Variants in NR3C1 observed in about 807,000 individuals in gnomAD.
The protein encoded by NR3C1 is nuclear receptor subfamily 3 group C member 1, also known as glucocorticoid receptor.
A neutral mutation model predicts 74.0 loss-of-function variants in NR3C1; 14 were observed. The ratio of observed to expected loss-of-function variants is 0.19; its 90% CI spans 0.12 to 0.30. NR3C1 has a LOEUF of 0.30. NR3C1 is among the 10% of genes least tolerant of loss of function. The probability of loss-of-function intolerance (pLI) is 1.00; values close to 1 mark genes in which losing one functional copy is unlikely to be tolerated. For missense variants in NR3C1, 695 were observed against 909.8 expected (o/e 0.76, Z 3.04); for synonymous variants, 308 against 332.5 (o/e 0.93, Z 0.80).
intron 2 of NR3C1, among the ~76,000 whole-genome samples, chr5:143,399,369 TTAAGA>T (rs1245890335): frequency 1.3e-5 from 2 of 152,208 alleles, no homozygotes; most frequent in African/African-American, 4.8e-5. Context: ...TAATTTTTCG[TTAAGA>T]TATCTGTTAA....
At chr5:143,374,763 C>A (rs1398508094) in intron 2 of NR3C1, among the ~76,000 whole-genome samples, 1 of 152,144 alleles carries the variant, frequency 6.6e-6, no homozygotes, top group Non-Finnish European at 1.5e-5. Context: ...GACATACGCT[C>A]AGCAGCTGTA....
intron 6 of NR3C1, among the ~76,000 whole-genome samples, 186 bp from the exon 7 acceptor site, chr5:143,295,776 C>CTGTT (rs1175776554): frequency 6.6e-6 from 1 of 152,114 alleles, no homozygotes; most frequent in Non-Finnish European, 1.5e-5. Context: ...TGCATCTTGG[C>CTGTT]TGTTTAAATA....
chr5:143,308,320 A>T (rs960171603), intron 4 of NR3C1, among the ~76,000 whole-genome samples: 1 of 151,562 alleles, frequency 6.6e-6, no homozygotes, highest in African/African-American at 2.4e-5. Flanking sequence ...AACAAAAATT[A>T]AAAAAAAATC....
chr5:143,370,400 C>T (rs1258081395), intron 2 of NR3C1, among the ~76,000 whole-genome samples: 3 of 152,178 alleles, frequency 2.0e-5, no homozygotes, highest in Admixed American at 1.3e-4. Flanking sequence ...TAATGCATAT[C>T]GTCAGCATTC....
Position 143,399,768 on chromosome 5 carries a change from G to C in NR3C1, c.1072C>G (p.Pro358Ala). The change falls in exon 2 of 9, where the codon CCC becomes GCC. Residue 358 changes from proline (P) to alanine (A), a missense_variant. Coordinates refer to ENST00000394464, the MANE Select transcript of NR3C1 (RefSeq NM_000176.3). ...KPIFNVIPPI[P>A]VGSENWNRCQ... ...CTATTCCAATTTTCGGAACCAACGG[G>C]AATTGGTGGAATGACATTAAAAATA... 1 of 1,614,192 alleles carries C rather than the reference G, an allele frequency of 6.2e-7. No individual in the cohort carries two copies. The highest frequency in any genetic ancestry group is 8.5e-7 in the Non-Finnish European group (1 of 1,180,024).
Position 143,279,158 on chromosome 5 carries a change from C to CT in NR3C1, c.*2730dup, listed in dbSNP as rs1812742812. ...TTTCAAACAGCACCACCATATAGCA[C>CT]TTAAATCCACAATTAAACATAATTA... On this transcript the variant is annotated 3_prime_UTR_variant, in exon 9 of 9. Coordinates refer to ENST00000394464, the MANE Select transcript of NR3C1 (RefSeq NM_000176.3). The CT allele has an allele frequency of 3.4e-6, 2 of 596,322 alleles. No homozygotes were observed. The highest frequency in any genetic ancestry group is 5.5e-6 in the Non-Finnish European group (2 of 361,646). The allele number at this position is 596,322 out of a possible 1,614,324, so 36.9% of individuals were successfully genotyped here.
chr5:143,330,339 G>A (rs1561583492), intron 2 of NR3C1, among the ~76,000 whole-genome samples: 1 of 152,180 alleles, frequency 6.6e-6, no homozygotes, highest in Non-Finnish European at 1.5e-5. Flanking sequence ...AGTGGGAGAT[G>A]TGCAATGTGG....
At chr5:143,392,419 A>G (rs1315493118) in intron 2 of NR3C1, among the ~76,000 whole-genome samples, 1 of 152,214 alleles carries the variant, frequency 6.6e-6, no homozygotes, top group Non-Finnish European at 1.5e-5. Context: ...TTTATATTTT[A>G]TTTAAAGATT....
In NR3C1 at chr5:143,363,490, G is replaced by A. The variant is rs142782427; in HGVS notation, c.1184+36166C>T. Among the ~76,000 whole-genome samples, 220 of 152,138 alleles carry A rather than the reference G, an allele frequency of 1.4e-3. 2 individuals are homozygous for A. The highest frequency in any genetic ancestry group is 5.2e-3 in the African/African-American group (215 of 41,530). On this transcript the variant is annotated intron_variant, in intron 2 of 8. Transcript: ENST00000394464. ...ATAGACAAAGACTTAAAATCATTGC[G>A]TGAACCCAGGAGGTGGAGCTTGCAG... is the stretch of plus-strand genomic sequence containing the variant.
chr5:143,349,049 A>G (rs1449130446), intron 2 of NR3C1, among the ~76,000 whole-genome samples: 1 of 152,148 alleles, frequency 6.6e-6, no homozygotes, highest in Non-Finnish European at 1.5e-5. Context: ...CAGAGAGAGA[A>G]GCCTCTTCTA....
chr5:143,405,102 C>T, upstream of NR3C1: 2 of 985,294 alleles, frequency 2.0e-6, no homozygotes, highest in South Asian at 4.7e-5. Context: ...CCTTCCCCAG[C>T]TCGCCGCGTC....
chr5:143,320,271 T>C (rs1363094584), intron 2 of NR3C1, among the ~76,000 whole-genome samples: 1 of 152,238 alleles, frequency 6.6e-6, no homozygotes, highest in Non-Finnish European at 1.5e-5. Context: ...ACACATTTTA[T>C]CTTATTTAAC....
At chr5:143,325,216 C>T (rs990529624) in intron 2 of NR3C1, among the ~76,000 whole-genome samples, 3 of 152,144 alleles carry the variant, frequency 2.0e-5, no homozygotes, top group African/African-American at 7.2e-5. Flanking sequence ...ACTTAGAGTT[C>T]CACAGGGCTG....
At chr5:143,399,562 T>A in intron 2 of NR3C1, 94 bp downstream of exon 2, 1 of 1,013,252 alleles carries the variant, frequency 9.9e-7, no homozygotes, top group Non-Finnish European at 1.5e-6. Flanking sequence ...AGCACATGAA[T>A]CTTTAGAGAA....
At chr5:143,320,161 G>C (rs890917540) in intron 2 of NR3C1, among the ~76,000 whole-genome samples, 4 of 152,188 alleles carry the variant, frequency 2.6e-5, no homozygotes, top group African/African-American at 9.6e-5. Flanking sequence ...AAGAATTACT[G>C]ATTTGTTTGA....
At chr5:143,419,453 A>G (rs67002639) in intron 1 of NR3C1, among the ~76,000 whole-genome samples, 27,676 of 152,190 alleles carry the variant, frequency 0.18, 2,724 homozygotes, top group Middle Eastern at 0.35. Context: ...CGATAGTCAC[A>G]TAGGTTCTTT....
chr5:143,354,756 C>G (rs1435440208), intron 2 of NR3C1, among the ~76,000 whole-genome samples: 1 of 151,946 alleles, frequency 6.6e-6, no homozygotes. Flanking sequence ...ATCCCCATCT[C>G]TACTAAAAAT....
At chr5:143,334,680 A>G (rs1429523157) in intron 2 of NR3C1, among the ~76,000 whole-genome samples, 1 of 151,958 alleles carries the variant, frequency 6.6e-6, no homozygotes, top group Non-Finnish European at 1.5e-5. Flanking sequence ...TGAAATACAC[A>G]TAGGAAGAAA....
intron 2 of NR3C1, among the ~76,000 whole-genome samples, chr5:143,385,879 T>G (rs2151901445): frequency 6.6e-6 from 1 of 152,332 alleles, no homozygotes; most frequent in East Asian, 1.9e-4. Flanking sequence ...GCTTCCGCAT[T>G]TTCATGTATC....
Sources: gnomAD v4.1 joint callset for allele counts (sites outside exome capture counted in the v4.1 genomes callset) on GRCh38, gnomAD v4.1.1 for gene constraint, MANE v1.5 for transcripts, NCBI Gene and HGNC (gene_info 2026-07-23, HGNC 2026-07-21) for gene names.